Variants in CDH4 observed in about 807,000 individuals in gnomAD.
CDH4 encodes the protein cadherin-4.
Under a neutral mutation model 86.0 loss-of-function variants are expected in CDH4, and 33 were observed. The ratio of observed to expected loss-of-function variants is 0.38; its 90% CI spans 0.29 to 0.51. CDH4 has a LOEUF of 0.51. Among genes scored for constraint, CDH4 ranks in the 20% least tolerant of loss-of-function variants. The probability of loss-of-function intolerance (pLI) is 0.86; values close to 1 mark genes in which losing one functional copy is unlikely to be tolerated. For missense variants in CDH4, 1,114 were observed against 1,307.4 expected (o/e 0.85, Z 2.28); for synonymous variants, 555 against 549.4 (o/e 1.01, Z -0.14).
intron 8 of CDH4, among the ~76,000 whole-genome samples, chr20:61,900,513 A>G (rs546137813): frequency 6.6e-6 from 1 of 152,254 alleles, no homozygotes; most frequent in African/African-American, 2.4e-5. Context: ...CGCTTCTGAG[A>G]GGCCAACTCT....
chr20:61,524,167 T>C (rs930277179), intron 2 of CDH4, among the ~76,000 whole-genome samples: 11 of 152,156 alleles, frequency 7.2e-5, no homozygotes, highest in Middle Eastern at 3.2e-3. Context: ...ATTGGGCTGC[T>C]TTGGTTTATG....
chr20:61,397,750 G>A (rs1332093400), intron 2 of CDH4, among the ~76,000 whole-genome samples: 2 of 152,168 alleles, frequency 1.3e-5, no homozygotes, highest in East Asian at 3.9e-4. Context: ...TGAGTTATCG[G>A]TGCAAGGTGG....
Position 61,392,824 on chromosome 20 carries a change from G to A in CDH4, c.169+137887G>A, listed in dbSNP as rs137926828. Among the ~76,000 whole-genome samples, 37 of 152,272 alleles carry A rather than the reference G, an allele frequency of 2.4e-4. No homozygotes were observed. Among genetic ancestry groups the A allele is most frequent in the African/African-American group, 8.4e-4 (35 of 41,540 alleles). ...TGGCCCCCCACGGTGCTCTAGAAAT[G>A]TCAGATGCATTCGTCTTCCATTAGC... On this transcript the variant is annotated intron_variant, in intron 2 of 15. Coordinates refer to ENST00000614565, the MANE Select transcript of CDH4 (RefSeq NM_001794.5). This position sits in a 1 kb window ranked among gnomAD's most constrained non-coding sequence, Gnocchi z 5.7.
chr20:61,910,729 A>AG (rs1456397627), intron 9 of CDH4, 122 bp downstream of exon 9: 2 of 925,818 alleles, frequency 2.2e-6, no homozygotes, highest in Admixed American at 4.5e-5. Context: ...ATCCAAGGGT[A>AG]GAGGCAGGTA....
Position 61,621,325 on chromosome 20 carries a change from A to C in CDH4, c.170-122238A>C, listed in dbSNP as rs568438113. On this transcript the variant is annotated intron_variant, in intron 2 of 15. Transcript: ENST00000614565. ...ATTCTGTAACTCTTTCTCCAACAAC[A>C]GCCTGTCTCCTCTGCTGACAGCGAA... Among the ~76,000 whole-genome samples, 116 of 152,352 alleles carry C rather than the reference A, an allele frequency of 7.6e-4. 5 individuals are homozygous for C. In the South Asian group the frequency reaches 0.023, roughly 30 times the overall value.
intron 2 of CDH4, among the ~76,000 whole-genome samples, chr20:61,279,645 G>A (rs2084248072): frequency 6.6e-6 from 1 of 152,160 alleles, no homozygotes. Flanking sequence ...CAGGACTGGG[G>A]GTCTCCACGA....
intron 2 of CDH4, among the ~76,000 whole-genome samples, chr20:61,275,342 C>T (rs951665883): frequency 7.7e-5 from 5 of 64,614 alleles, no homozygotes; most frequent in Non-Finnish European, 8.4e-5. Flanking sequence ...GAGTACCGTG[C>T]GCAGTTTGGG....
chr20:61,488,113 C>T (rs1202898378), intron 2 of CDH4, among the ~76,000 whole-genome samples: 1 of 152,170 alleles, frequency 6.6e-6, no homozygotes, highest in African/African-American at 2.4e-5. Flanking sequence ...ATGATCATGG[C>T]CAGTCTTGAC....
intron 2 of CDH4, among the ~76,000 whole-genome samples, chr20:61,353,284 GTC>G (rs11470636): frequency 0.78 from 117,789 of 151,510 alleles, 46,088 homozygotes; most frequent in African/African-American, 0.87. Context: ...AGGTGCCAGG[GTC>G]TCTGGAACCA....
chr20:61,627,337 G>A (rs999160278), intron 2 of CDH4, among the ~76,000 whole-genome samples: 30 of 152,170 alleles, frequency 2.0e-4, no homozygotes, highest in African/African-American at 4.6e-4. Flanking sequence ...CTTCAGGCCC[G>A]TGGGACAGCA....
intron 2 of CDH4, among the ~76,000 whole-genome samples, chr20:61,276,956 C>G (rs1173934100): frequency 6.6e-6 from 1 of 152,216 alleles, no homozygotes. Context: ...TTTGAAGGCT[C>G]TGCTCTATGC....
chr20:61,853,050 C>A, intron 6 of CDH4, 152 bp downstream of exon 6: 2 of 794,306 alleles, frequency 2.5e-6, no homozygotes, highest in Non-Finnish European at 3.9e-6. Flanking sequence ...AGACGTCCAC[C>A]AAAGCCCCTG....
chr20:61,878,398 C>T (rs1010975690), intron 7 of CDH4, among the ~76,000 whole-genome samples: 4 of 152,232 alleles, frequency 2.6e-5, no homozygotes, highest in Admixed American at 1.3e-4. Context: ...CAGTGTTGGG[C>T]GCCCTCAGGG....
intron 2 of CDH4, among the ~76,000 whole-genome samples, chr20:61,430,028 C>T (rs573257201): frequency 3.3e-5 from 5 of 152,308 alleles, no homozygotes; most frequent in East Asian, 3.9e-4. Flanking sequence ...TTGGCCCAGC[C>T]GCAGAGATTC....
At chr20:61,715,085 G>A (rs1013715013) in intron 2 of CDH4, among the ~76,000 whole-genome samples, 8 of 152,016 alleles carry the variant, frequency 5.3e-5, no homozygotes, top group Admixed American at 3.3e-4. Flanking sequence ...GTTTTTTGAC[G>A]TTTTGATAAT....
intron 7 of CDH4, among the ~76,000 whole-genome samples, chr20:61,893,162 G>A (rs1179152294): frequency 1.6e-5 from 2 of 122,624 alleles, no homozygotes; most frequent in South Asian, 3.2e-4. Flanking sequence ...GTGAATAGAG[G>A]GATGGTGGTT....
rs11699608 is a variant in CDH4, at chr20:61,910,187, T to C, written c.1189-235T>C. Among the ~76,000 whole-genome samples the C allele has an allele frequency of 4.2e-3, 633 of 150,782 alleles. 6 individuals carry two copies. The highest frequency in any genetic ancestry group is 6.5e-3 in the Non-Finnish European group (440 of 67,596). On this transcript the variant is annotated intron_variant, in intron 8 of 15. Coordinates refer to ENST00000614565, the MANE Select transcript of CDH4 (RefSeq NM_001794.5). ...GAACACTCCTTGAGCTGGGCTGACA[T>C]GGTGTGTTCTGTTTGTGAACACTCC...
intron 2 of CDH4, among the ~76,000 whole-genome samples, chr20:61,715,367 G>A (rs1271812861): frequency 6.6e-6 from 1 of 152,184 alleles, no homozygotes; most frequent in East Asian, 1.9e-4. Context: ...GGAGAAAAGT[G>A]TATTTGAGTG....
chr20:61,607,466 TA>T (rs962193946), intron 2 of CDH4, among the ~76,000 whole-genome samples: 198 of 152,220 alleles, frequency 1.3e-3, no homozygotes, highest in African/African-American at 4.6e-3. Context: ...CTTATAGACT[TA>T]AAAAAATGGA....
Sources: gnomAD v4.1 joint callset for allele counts (sites outside exome capture counted in the v4.1 genomes callset) on GRCh38, gnomAD v4.1.1 for gene constraint, Gnocchi (gnomAD v3.1) non-coding constraint, MANE v1.5 for transcripts, NCBI Gene and HGNC (gene_info 2026-07-23, HGNC 2026-07-21) for gene names.